The following NRG2 variants were observed in gnomAD, a reference collection of about 807,000 sequenced individuals.
NRG2 encodes neuregulin 2.
In NRG2, 27 loss-of-function variants were observed where a neutral mutation model predicts 73.9. The observed-to-expected ratio is 0.37, with a 90% confidence interval of 0.27 to 0.50. The LOEUF is 0.50. Ranked by LOEUF, NRG2 falls within the 20% of genes least tolerant of loss-of-function variation. The pLI is 0.96. For synonymous variants in NRG2, 532 were observed against 541.0 expected (o/e 0.98, Z 0.23); for missense variants, 1,126 against 1,210.1 (o/e 0.93, Z 1.03).
At chr5:140,017,661 A>C (rs938526845) in intron 1 of NRG2, among the ~76,000 whole-genome samples, 1 of 152,196 alleles carries the variant, frequency 6.6e-6, no homozygotes, top group Non-Finnish European at 1.5e-5. Flanking sequence ...GTTTCGATGG[A>C]GTCGGAGATG....
chr5:139,931,807 G>C (rs1453763479), intron 1 of NRG2, among the ~76,000 whole-genome samples: 2 of 152,142 alleles, frequency 1.3e-5, no homozygotes, highest in African/African-American at 4.8e-5. Flanking sequence ...GAAATAATCA[G>C]TTAACTTGAA....
chr5:139,861,219 CCTGGATTGGCTCACTCT>C (rs1399851843), intron 5 of NRG2, among the ~76,000 whole-genome samples: 2 of 152,222 alleles, frequency 1.3e-5, no homozygotes, highest in African/African-American at 2.4e-5. Flanking sequence ...CTCCTCCTAG[CCTGGATTGGCTCACTCT>C]CTGGCTTCCC....
chr5:139,953,803 CAT>C (rs1346478866), intron 1 of NRG2, among the ~76,000 whole-genome samples: 1 of 152,174 alleles, frequency 6.6e-6, no homozygotes, highest in Non-Finnish European at 1.5e-5. Flanking sequence ...CAAAAAACCA[CAT>C]GAGAACCAGA....
At chr5:139,899,591 C>T (rs895758347) in intron 1 of NRG2, among the ~76,000 whole-genome samples, 2 of 152,184 alleles carry the variant, frequency 1.3e-5, no homozygotes, top group Admixed American at 1.3e-4. Flanking sequence ...TCAGTGCTAC[C>T]CTCCTCTGTC....
chr5:139,967,658 G>T (rs1755634631), intron 1 of NRG2, among the ~76,000 whole-genome samples: 1 of 152,086 alleles, frequency 6.6e-6, no homozygotes, highest in Non-Finnish European at 1.5e-5. Flanking sequence ...TTTAACCTTG[G>T]GTCTTGATTT....
At chr5:139,995,081 A>C (rs1348407109) in intron 1 of NRG2, among the ~76,000 whole-genome samples, 4 of 152,234 alleles carry the variant, frequency 2.6e-5, no homozygotes, top group African/African-American at 9.6e-5. Context: ...CTTTTAAAAC[A>C]TACTAATTAG....
chr5:139,874,258 G>A (rs1392311363), intron 3 of NRG2, among the ~76,000 whole-genome samples: 4 of 152,198 alleles, frequency 2.6e-5, no homozygotes, highest in African/African-American at 4.8e-5. Flanking sequence ...ATGGTTGCCC[G>A]TGTTTGGAGA....
chr5:140,033,337 C>T (rs865815085), intron 1 of NRG2, among the ~76,000 whole-genome samples: 2 of 152,176 alleles, frequency 1.3e-5, no homozygotes, highest in Non-Finnish European at 2.9e-5. Context: ...TAAGACCTAC[C>T]GAAGTCAAAG....
intron 1 of NRG2, among the ~76,000 whole-genome samples, chr5:139,984,766 G>A (rs1757046683): frequency 6.6e-6 from 1 of 152,208 alleles, no homozygotes; most frequent in African/African-American, 2.4e-5. Context: ...GAGAAGCTAA[G>A]TGACCGCTAA....
intron 1 of NRG2, among the ~76,000 whole-genome samples, chr5:139,977,111 T>C (rs1367155214): frequency 6.6e-6 from 1 of 152,212 alleles, no homozygotes; most frequent in Non-Finnish European, 1.5e-5. Flanking sequence ...TAGTTCATAA[T>C]ACTACATTAA....
chr5:140,001,031 A>G (rs1758428699), intron 1 of NRG2, among the ~76,000 whole-genome samples: 1 of 152,130 alleles, frequency 6.6e-6, no homozygotes, highest in Non-Finnish European at 1.5e-5. Flanking sequence ...TTCTAGCTAC[A>G]TCAGACCTCT....
chr5:139,880,356 C>A (rs1390847188), intron 3 of NRG2, among the ~76,000 whole-genome samples: 1 of 152,140 alleles, frequency 6.6e-6, no homozygotes, highest in Non-Finnish European at 1.5e-5. Context: ...GTGAGGATGG[C>A]CTGTCGGGGA....
At chr5:139,959,636 A>G (rs539879601) in intron 1 of NRG2, among the ~76,000 whole-genome samples, 1 of 151,610 alleles carries the variant, frequency 6.6e-6, no homozygotes, top group Admixed American at 6.6e-5. Flanking sequence ...TCGGCCTCCC[A>G]AAGTGCTGGG....
intron 1 of NRG2, among the ~76,000 whole-genome samples, chr5:139,971,434 C>T (rs1223346023): frequency 6.6e-6 from 1 of 152,250 alleles, no homozygotes; most frequent in African/African-American, 2.4e-5. Flanking sequence ...CATTCTTCAC[C>T]CAAACTCCTT....
Position 139,861,852 on chromosome 5 carries a change from A to G in NRG2, c.1189+3697T>C, listed in dbSNP as rs533553142. 5.0e-5 allele frequency: 23 copies of G among 462,856 alleles called. 1 individual carries two copies. Among genetic ancestry groups the G allele is most frequent in the Middle Eastern group, 1.2e-3 (2 of 1,630 alleles). 28.7% of individuals were successfully genotyped at this position (462,856 alleles called of 1,614,324 possible). ...GAGAGCTCACATTGTTTGGCTATCC[A>G]GCCATGCTGCCCTGAGAGAACAGCC... On this transcript the variant is annotated intron_variant, in intron 5 of 9. Transcript: ENST00000361474.
intron 1 of NRG2, among the ~76,000 whole-genome samples, chr5:139,976,329 C>G (rs1234382551): frequency 6.6e-6 from 1 of 152,230 alleles, no homozygotes; most frequent in Non-Finnish European, 1.5e-5. Flanking sequence ...CTCACAATGC[C>G]TTCCCCAGAG....
intron 2 of NRG2, among the ~76,000 whole-genome samples, chr5:139,882,301 G>A (rs1338226172): frequency 1.3e-5 from 2 of 152,120 alleles, no homozygotes; most frequent in Non-Finnish European, 2.9e-5. Flanking sequence ...TACCTGGGCT[G>A]TCTCCACCTC....
At chr5:139,967,462 C>T (rs1755619326) in intron 1 of NRG2, among the ~76,000 whole-genome samples, 1 of 152,224 alleles carries the variant, frequency 6.6e-6, no homozygotes, top group African/African-American at 2.4e-5. Context: ...ATGTACCAGA[C>T]AACAAAAGCT....
Position 139,853,061 on chromosome 5 carries a change from C to T in NRG2, c.1293-34G>A, listed in dbSNP as rs1761568179. On this transcript the variant is annotated intron_variant, in intron 6 of 9. Transcript: ENST00000361474. The surrounding 1 kb of genome is among the most constrained non-coding windows in gnomAD (Gnocchi z 4.1). ...GGGAAGGGAAGGTGAGGCTGGCATTCCCCCCACTCGCCAACGATGAACTTC... is the reference window on the plus strand; with the variant it reads ...GGGAAGGGAAGGTGAGGCTGGCATTTCCCCCACTCGCCAACGATGAACTTC... 6.2e-7 allele frequency: 1 copy of T among 1,609,964 alleles called. No individual in the cohort carries two copies. Among genetic ancestry groups the T allele is most frequent in the South Asian group, 1.1e-5 (1 of 90,540 alleles).
Sources: allele counts gnomAD v4.1 joint callset (sites outside exome capture counted in the v4.1 genomes callset), GRCh38; gene constraint gnomAD v4.1.1; non-coding constraint Gnocchi (gnomAD v3.1); transcripts MANE v1.5; gene names NCBI Gene and HGNC (gene_info 2026-07-23, HGNC 2026-07-21).